CFAP46: variants seen among roughly 807,000 people sequenced by gnomAD.
CFAP46 encodes the protein cilia and flagella associated protein 46.
CFAP46 carries 245 observed loss-of-function variants against 325.7 expected under a neutral mutation model. The ratio of observed to expected loss-of-function variants is 0.75; its 90% CI spans 0.68 to 0.84. The LOEUF (loss-of-function observed/expected upper bound fraction) is 0.84. Among genes scored for constraint, CFAP46 ranks in the 40% least tolerant of loss-of-function variants. The probability of loss-of-function intolerance (pLI) is 0.00; values close to 1 mark genes in which losing one functional copy is unlikely to be tolerated. For synonymous variants in CFAP46, 1,523 were observed against 1,495.9 expected, an observed-to-expected ratio of 1.02 and a Z score of -0.42; for missense variants, 3,346 against 3,543.0, an observed-to-expected ratio of 0.94 and a Z score of 1.41.
At chr10:132,852,125 G>A (rs55669207) in intron 39 of CFAP46, among the ~76,000 whole-genome samples, 304 of 123,478 alleles carry the variant, frequency 2.5e-3, no homozygotes, top group Middle Eastern at 0.01. Flanking sequence ...ATTTACTTAG[G>A]AATTCTCAGA....
At position 132,886,332 on chromosome 10, in the gene CFAP46, G is replaced by A. The variant is rs982484175; in HGVS notation, c.3305-373C>T. 5.9e-5 allele frequency among the ~76,000 whole-genome samples: 9 copies of A among 152,198 alleles called. No individual in the cohort carries two copies. The highest frequency in any genetic ancestry group is 2.2e-4 in the African/African-American group (9 of 41,454). ...GGAGTTGCATGGAAAGCTCCCCCGCGGCCGAGGACACAGCGCCACGTGCAC... is the reference window on the plus strand; with the variant it reads ...GGAGTTGCATGGAAAGCTCCCCCGCAGCCGAGGACACAGCGCCACGTGCAC... On this transcript the variant is annotated intron_variant, in intron 25 of 57. Transcript: ENST00000368586. The surrounding 1 kb of genome is among the most constrained non-coding windows in gnomAD (Gnocchi z 5.8).
chr10:132,830,355 G>T (rs977164101), intron 50 of CFAP46, among the ~76,000 whole-genome samples: 1 of 152,134 alleles, frequency 6.6e-6, no homozygotes, highest in Non-Finnish European at 1.5e-5. Flanking sequence ...TCTTGGCCAG[G>T]CTGGTCTTAA....
chr10:132,866,464 G>T (rs994355579), intron 34 of CFAP46, among the ~76,000 whole-genome samples: 1 of 152,206 alleles, frequency 6.6e-6, no homozygotes, highest in Non-Finnish European at 1.5e-5. Context: ...TAGAGCCTTT[G>T]CTACTCCACA....
chr10:132,935,171 C>T (rs529133355), intron 7 of CFAP46, among the ~76,000 whole-genome samples: 19 of 152,202 alleles, frequency 1.2e-4, no homozygotes, highest in African/African-American at 4.6e-4. Flanking sequence ...CTCTGCTCAA[C>T]GGCGATAGGA....
chr10:132,837,062 G>C, intron 44 of CFAP46, 148 bp from the exon 45 acceptor site: 1 of 617,358 alleles, frequency 1.6e-6, no homozygotes, highest in Non-Finnish European at 2.8e-6. Flanking sequence ...TTGGGGTGGG[G>C]GGCCCTGCTG....
chr10:132,824,140 C>CAG (rs1847972711), intron 50 of CFAP46, among the ~76,000 whole-genome samples: 2 of 123,030 alleles, frequency 1.6e-5, no homozygotes, highest in South Asian at 2.9e-4. Context: ...TGTGTGTGTG[C>CAG]TGATGTGTGC....
At chr10:132,916,387 C>T (rs1427306955) in intron 17 of CFAP46, among the ~76,000 whole-genome samples, 162 bp downstream of exon 17, 1 of 152,246 alleles carries the variant, frequency 6.6e-6, no homozygotes, top group Non-Finnish European at 1.5e-5. Context: ...TTTTCTCTTT[C>T]ATGGTCTCAG....
chr10:132,897,285 G>A (rs552310478), intron 24 of CFAP46, among the ~76,000 whole-genome samples: 12 of 152,336 alleles, frequency 7.9e-5, no homozygotes, highest in African/African-American at 2.9e-4. Flanking sequence ...GAACATTTAT[G>A]CATCAAATGG....
In CFAP46 at chr10:132,918,419, C is replaced by T. The variant is rs533186628; in HGVS notation, c.1960G>A (p.Ala654Thr). The change falls in exon 16 of 58, where the codon GCG becomes ACG. Residue 654 changes from alanine (A) to threonine (T), a missense_variant. Ala to Thr is a moderately conservative substitution (Grantham distance 58). Coordinates refer to ENST00000368586, the MANE Select transcript of CFAP46 (RefSeq NM_001200049.3). Reference protein sequence around the residue: ...QVCPDLLRKFAEVGFIHAEAT... With the variant: ...QVCPDLLRKFTEVGFIHAEAT... Reference sequence around the variant, plus strand: ...TCAGCATGGATGAACCCCACCTCCGCGAACTTCCGCAGCAGGTCGGGGCAC... The same window carrying T: ...TCAGCATGGATGAACCCCACCTCCGTGAACTTCCGCAGCAGGTCGGGGCAC... 58 of 1,549,104 alleles carry T rather than the reference C, an allele frequency of 3.7e-5. No homozygotes were observed. Among genetic ancestry groups the T allele is most frequent in the East Asian group, 4.9e-5 (2 of 40,874 alleles).
chr10:132,824,119 C>A (rs1317449542), intron 50 of CFAP46, among the ~76,000 whole-genome samples: 1 of 110,844 alleles, frequency 9.0e-6, no homozygotes, highest in Non-Finnish European at 1.9e-5. Flanking sequence ...GCTGTGTGCG[C>A]TGATGTGTGC....
In CFAP46 at chr10:132,808,776, C is replaced by G. The variant is rs1200049811; in HGVS notation, c.7793G>C (p.Cys2598Ser). 6.3e-7 allele frequency: 1 copy of G among 1,594,412 alleles called. No individual in the cohort carries two copies. Among genetic ancestry groups the G allele is most frequent in the South Asian group, 1.1e-5 (1 of 88,616 alleles). ...TGGGGCCCCAGCAGCTGATGGGAGG[C>G]AGGTCCAGGCCTGCACTACCCGATG... ...PSHRVVQAWT[C>S]LPSAAGAPAL... Residue 2598 changes from cysteine to serine, a missense_variant, in exon 58 of 58, where the codon TGC becomes TCC. By Grantham distance (112) the Cys-to-Ser change is moderately radical. Transcript: ENST00000368586. This position sits in a 1 kb window ranked among gnomAD's most constrained non-coding sequence, Gnocchi z 6.8.
At chr10:132,855,554 A>G (rs1848628975) in intron 39 of CFAP46, among the ~76,000 whole-genome samples, 1 of 152,160 alleles carries the variant, frequency 6.6e-6, no homozygotes, top group Non-Finnish European at 1.5e-5. Flanking sequence ...TAAGGTTATC[A>G]TCTTGCTGTT....
At chr10:132,815,967 G>A (rs1847685661) in intron 50 of CFAP46, among the ~76,000 whole-genome samples, 2 of 152,162 alleles carry the variant, frequency 1.3e-5, no homozygotes. Flanking sequence ...TCTGTTTCTT[G>A]ACAGTCTGGC....
At position 132,912,222 on chromosome 10, in the gene CFAP46, T is replaced by TTCTCCTC. The variant is rs1554883917; in HGVS notation, c.2499+426_2499+432dup. Among the ~76,000 whole-genome samples, 2 of 103,486 alleles carry TTCTCCTC rather than the reference T, an allele frequency of 1.9e-5. 1 individual carries two copies. Among genetic ancestry groups the TTCTCCTC allele is most frequent in the Non-Finnish European group, 4.0e-5 (2 of 49,954 alleles). The allele number at this position is 103,486 out of a possible 152,430, so 67.9% of individuals were successfully genotyped here. The stretch of plus-strand genomic sequence containing the variant: ...CTCTCTCTCTTCCCTCTCCTCTCTC[T>TTCTCCTC]TCTCCTCTCTCCTGTCCTCTTTCCT... On this transcript the variant is annotated intron_variant, in intron 19 of 57. Coordinates refer to ENST00000368586, the MANE Select transcript of CFAP46 (RefSeq NM_001200049.3).
At chr10:132,870,633 A>T (rs1848884525) in intron 32 of CFAP46, among the ~76,000 whole-genome samples, 1 of 152,236 alleles carries the variant, frequency 6.6e-6, no homozygotes, top group South Asian at 2.1e-4. Context: ...CCGAAGTCTC[A>T]TCCAGAGCCA....
chr10:132,896,133 C>G (rs867387407), intron 24 of CFAP46, among the ~76,000 whole-genome samples: 13 of 128,196 alleles, frequency 1.0e-4, no homozygotes, highest in African/African-American at 3.0e-4. Context: ...CAGCCAGGCT[C>G]TGTGTGCCAC....
chr10:132,876,219 C>G lies in CFAP46; in HGVS notation c.4362+593G>C, dbSNP rs1432362284. Among the ~76,000 whole-genome samples, 1 of 152,250 alleles carries G rather than the reference C, an allele frequency of 6.6e-6. No homozygotes were observed. The highest frequency in any genetic ancestry group is 1.5e-5 in the Non-Finnish European group (1 of 68,038). On this transcript the variant is annotated intron_variant, in intron 31 of 57. Transcript: ENST00000368586. The surrounding 1 kb of genome is among the most constrained non-coding windows in gnomAD (Gnocchi z 4.1). ...ATCAGCAGGGATCTGCGCAGGGCCA[C>G]TCTACCCACAGCGGGCACGGCAGTG...
At position 132,908,228 on chromosome 10, in the gene CFAP46, G is replaced by A. The variant is rs1454919555; in HGVS notation, c.2924+240C>T. ...CTGGACTGGGCCTGGAGACCTGGTG[G>A]AGTGCTCACCTGCTCCCTGATCTGT... On this transcript the variant is annotated intron_variant, in intron 22 of 57. Transcript: ENST00000368586. 4 of 551,178 alleles carry A rather than the reference G, an allele frequency of 7.3e-6. No homozygotes were observed. The Admixed American group carries it at 1.3e-4, about 18-fold the overall frequency. The allele number at this position is 551,178 out of a possible 1,614,324, so 34.1% of individuals were successfully genotyped here. A position where few individuals can be genotyped will look rare whatever the true frequency, so the allele number is the denominator to read the frequency against.
Position 132,877,952 on chromosome 10 carries a change from T to C in CFAP46, c.4141A>G (p.Lys1381Glu). 1 of 1,549,082 alleles carries C rather than the reference T, an allele frequency of 6.5e-7. No individual in the cohort carries two copies. The highest frequency in any genetic ancestry group is 8.7e-7 in the Non-Finnish European group (1 of 1,146,704). ...TTCTCTTTACTCCTCTCATTCTCCT[T>C]CTCTTTACTCCTCTCCTTCTCCTTC... is the stretch of plus-strand genomic sequence containing the variant. ...KEKEKERSKE[K>E]ENERSKEKDK... The change falls in exon 30 of 58, where the codon AAG (lysine) becomes GAG (glutamate). Residue 1381 changes from lysine to glutamate, a missense_variant. Physicochemically the swap from Lys to Glu is moderately conservative, Grantham distance 56. Coordinates refer to ENST00000368586, the MANE Select transcript of CFAP46 (RefSeq NM_001200049.3). This position sits in a 1 kb window ranked among gnomAD's most constrained non-coding sequence, Gnocchi z 5.7.
Sources: gnomAD v4.1 joint callset for allele counts (sites outside exome capture counted in the v4.1 genomes callset) on GRCh38, gnomAD v4.1.1 for gene constraint, Gnocchi (gnomAD v3.1) non-coding constraint, MANE v1.5 for transcripts, NCBI Gene and HGNC (gene_info 2026-07-23, HGNC 2026-07-21) for gene names.